The following ANK3 variants were observed in gnomAD, a reference collection of about 807,000 sequenced individuals.
ANK3 encodes ankyrin 3.
In ANK3, 57 loss-of-function variants were observed where a neutral mutation model predicts 370.9. The observed-to-expected ratio is 0.15, with a 90% confidence interval of 0.12 to 0.19. The LOEUF is 0.19. Ranked by LOEUF, ANK3 falls within the 10% of genes least tolerant of loss-of-function variation. ANK3 has a pLI of 1.00. For synonymous variants in ANK3, 1,929 were observed against 1,946.3 expected, an observed-to-expected ratio of 0.99 and a Z score of 0.23; for missense variants, 4,439 against 5,302.1, an observed-to-expected ratio of 0.84 and a Z score of 5.06.
intron 9 of ANK3, among the ~76,000 whole-genome samples, chr10:60,211,884 T>G (rs963351204): frequency 4.5e-5 from 1 of 22,046 alleles, no homozygotes; most frequent in Non-Finnish European, 8.1e-5. Context: ...CATTGTAAAA[T>G]ACAGAGCCAA....
chr10:60,275,481 A>G (rs905301757), intron 4 of ANK3, among the ~76,000 whole-genome samples: 15 of 152,188 alleles, frequency 9.9e-5, no homozygotes, highest in Non-Finnish European at 2.2e-4. Flanking sequence ...TTTGCACATC[A>G]TAAAGTGCTG....
chr10:60,648,157 C>T (rs150844743), intron 1 of ANK3, among the ~76,000 whole-genome samples: 13 of 51,442 alleles, frequency 2.5e-4, no homozygotes, highest in African/African-American at 2.5e-4. Context: ...TTTTTTTTTT[C>T]CTTTTTTTTT....
chr10:60,631,004 G>A (rs984562779), intron 1 of ANK3, among the ~76,000 whole-genome samples: 1 of 152,082 alleles, frequency 6.6e-6, no homozygotes, highest in Non-Finnish European at 1.5e-5. Context: ...ATTTGCTGCT[G>A]GATTTGGGTA....
At chr10:60,357,156 A>G (rs2132719871) in intron 1 of ANK3, among the ~76,000 whole-genome samples, 1 of 152,238 alleles carries the variant, frequency 6.6e-6, no homozygotes, top group African/African-American at 2.4e-5. Context: ...TCAGGTAGTG[A>G]TGTTTCTGAG....
At chr10:60,048,609 A>G (rs1247900378) in intron 42 of ANK3, among the ~76,000 whole-genome samples, 1 of 152,208 alleles carries the variant, frequency 6.6e-6, no homozygotes, top group Non-Finnish European at 1.5e-5. Context: ...TAGATAACTT[A>G]TAATACCTAA....
chr10:60,336,867 C>G (rs111636499), intron 1 of ANK3, among the ~76,000 whole-genome samples: 2 of 152,106 alleles, frequency 1.3e-5, no homozygotes, highest in South Asian at 2.1e-4. Flanking sequence ...ACTCGTCCCT[C>G]GGACCATTTT....
intron 2 of ANK3, among the ~76,000 whole-genome samples, chr10:60,426,405 T>A (rs377095847): frequency 6.6e-6 from 1 of 152,138 alleles, no homozygotes; most frequent in Non-Finnish European, 1.5e-5. Context: ...CAAAGCCTCC[T>A]GTGTTTCTTT....
At chr10:60,448,113 A>C (rs976682190) in intron 2 of ANK3, among the ~76,000 whole-genome samples, 1 of 152,182 alleles carries the variant, frequency 6.6e-6, no homozygotes, top group African/African-American at 2.4e-5. Context: ...AATCCAGAGA[A>C]GAACAGGCAG....
chr10:60,660,566 C>A (rs10994464), intron 1 of ANK3, among the ~76,000 whole-genome samples: 40,879 of 151,924 alleles, frequency 0.27, 6,607 homozygotes, highest in South Asian at 0.48. Context: ...GTCAAAAGTT[C>A]TTGTTTCTTT....
intron 8 of ANK3, among the ~76,000 whole-genome samples, chr10:60,233,970 A>T (rs1163033684): frequency 1.3e-5 from 2 of 152,164 alleles, no homozygotes; most frequent in Non-Finnish European, 2.9e-5. Flanking sequence ...ACTATTCTAG[A>T]TGTCTCAGAT....
At chr10:60,588,374 AG>A (rs1390781120) in intron 2 of ANK3, among the ~76,000 whole-genome samples, 3 of 151,502 alleles carry the variant, frequency 2.0e-5, no homozygotes, top group African/African-American at 7.3e-5. Context: ...TAGTAGAGAC[AG>A]GGTTTCAACA....
rs1474212196 is a variant in ANK3 at position 60,279,039 on chromosome 10, G to A, written c.315+11C>T. 1 of 1,612,906 alleles carries A rather than the reference G, an allele frequency of 6.2e-7. No individual in the cohort carries two copies. Among genetic ancestry groups the A allele is most frequent in the Non-Finnish European group, 8.5e-7 (1 of 1,179,058 alleles). On this transcript the variant is annotated intron_variant, in intron 3 of 43. Transcript: ENST00000280772. ...GAGTGGTTCAAAAAGCATTAAATAT[G>A]TGATACTGACCTTTGTAGCTGCATC...
Position 60,149,740 on chromosome 10 carries a change from G to A in ANK3, c.2615-10653C>T, listed in dbSNP as rs142814158. ...TTGTTGTTATTTGAGACGAAGTCTC[G>A]CTCTGTCGCCCAGGCTGGTGTGCAG... On this transcript the variant is annotated intron_variant, in intron 23 of 43. Coordinates refer to ENST00000280772, the MANE Select transcript of ANK3 (RefSeq NM_020987.5). Among the ~76,000 whole-genome samples the A allele has an allele frequency of 4.8e-3, 731 of 152,294 alleles. 2 individuals are homozygous for A. Among genetic ancestry groups the A allele is most frequent in the Non-Finnish European group, 7.8e-3 (533 of 68,026 alleles).
At chr10:60,293,211 C>A (rs2041828652) in intron 1 of ANK3, among the ~76,000 whole-genome samples, 1 of 152,164 alleles carries the variant, frequency 6.6e-6, no homozygotes, top group South Asian at 2.1e-4. Flanking sequence ...TTTAAACATC[C>A]CCCTCCTGGA....
intron 40 of ANK3, among the ~76,000 whole-genome samples, chr10:60,061,152 C>G (rs1417700239): frequency 1.3e-5 from 2 of 152,184 alleles, no homozygotes; most frequent in African/African-American, 4.8e-5. Context: ...CTGTTGTAAA[C>G]TCAAATTGCT....
At chr10:60,702,785 A>AC (rs2079562013) in intron 1 of ANK3, among the ~76,000 whole-genome samples, 1 of 152,142 alleles carries the variant, frequency 6.6e-6, no homozygotes, top group Non-Finnish European at 1.5e-5. Context: ...GGATCTGTGA[A>AC]TTTTTCAACA....
Position 60,071,726 on chromosome 10 carries a change from A to G in ANK3, c.9155T>C (p.Leu3052Ser), listed in dbSNP as rs2082725768. 7 of 1,598,606 alleles carry G rather than the reference A, an allele frequency of 4.4e-6. No homozygotes were observed. Among genetic ancestry groups the G allele is most frequent in the Non-Finnish European group, 6.0e-6 (7 of 1,174,394 alleles). ...AGATTCCTTTCCTGGGCTAAACTCTAAAGAATCAGGAGATTTGGTGGGGGA... is the reference window on the plus strand; with the variant it reads ...AGATTCCTTTCCTGGGCTAAACTCTGAAGAATCAGGAGATTTGGTGGGGGA... ...ETSPTKSPDSLEFSPGKESPS... is the reference protein window; with the variant it reads ...ETSPTKSPDSSEFSPGKESPS... The change falls in exon 37 of 44, where the codon TTA (leucine) becomes TCA (serine). Residue 3052 changes from leucine (L) to serine (S), a missense_variant. Leu to Ser is a moderately radical substitution (Grantham distance 145). Transcript: ENST00000280772.
At chr10:60,153,894 G>A (rs141389467) in intron 23 of ANK3, among the ~76,000 whole-genome samples, 91 of 152,308 alleles carry the variant, frequency 6.0e-4, no homozygotes, top group African/African-American at 2.1e-3. Flanking sequence ...AGGTAGCATT[G>A]TCAGCAATCT....
intron 2 of ANK3, among the ~76,000 whole-genome samples, chr10:60,472,484 A>G (rs2065242886): frequency 6.6e-6 from 1 of 152,216 alleles, no homozygotes; most frequent in South Asian, 2.1e-4. Context: ...TGATTAGAAA[A>G]GTTCTGGAAA....
Sources: allele counts gnomAD v4.1 joint callset (sites outside exome capture counted in the v4.1 genomes callset), GRCh38; gene constraint gnomAD v4.1.1; transcripts MANE v1.5; gene names NCBI Gene and HGNC (gene_info 2026-07-23, HGNC 2026-07-21).